PDGFD: variants seen among roughly 807,000 people sequenced by gnomAD.
PDGFD encodes the protein platelet-derived growth factor D.
Under a neutral mutation model 44.7 loss-of-function variants are expected in PDGFD, and 30 were observed. The observed-to-expected ratio is 0.67, with a 90% CI of 0.50 to 0.91. The LOEUF (loss-of-function observed/expected upper bound fraction) is 0.91, where lower values mean the gene tolerates loss of function less well. Ranked by LOEUF, PDGFD falls within the 40% of genes least tolerant of loss-of-function variation. The pLI, the probability that PDGFD is intolerant of heterozygous loss-of-function variation, is 0.00. For missense variants in PDGFD, 445 were observed against 457.8 expected (o/e 0.97, Z 0.25); for synonymous variants, 173 against 168.4 (o/e 1.03, Z -0.21).
At chr11:104,013,652 C>G (rs1859816509) in intron 1 of PDGFD, among the ~76,000 whole-genome samples, 1 of 152,046 alleles carries the variant, frequency 6.6e-6, no homozygotes, top group East Asian at 1.9e-4. Context: ...GAACTGCAAA[C>G]TGATGAACAG....
Position 103,978,672 on chromosome 11 carries a change from C to T in PDGFD, c.510+17393G>A, listed in dbSNP as rs79602723. On this transcript the variant is annotated intron_variant, in intron 3 of 6. Transcript: ENST00000393158. Reference sequence around the variant, plus strand: ...AATCCTATGGCATGCTTGTAACATACAAAGTGTTTTAGAAATGTTTGTAGA... The same window carrying T: ...AATCCTATGGCATGCTTGTAACATATAAAGTGTTTTAGAAATGTTTGTAGA... Among the ~76,000 whole-genome samples, 750 of 152,034 alleles carry T rather than the reference C, an allele frequency of 4.9e-3. 56 individuals carry two copies. The East Asian group carries it at 0.12, about 23-fold the overall frequency.
chr11:103,973,249 C>T (rs1361330891), intron 3 of PDGFD, among the ~76,000 whole-genome samples: 1 of 151,592 alleles, frequency 6.6e-6, no homozygotes, highest in Non-Finnish European at 1.5e-5. Flanking sequence ...CAACATTTTC[C>T]TGCCTCAGCC....
At chr11:104,026,119 C>G (rs994712110) in intron 1 of PDGFD, among the ~76,000 whole-genome samples, 1 of 152,182 alleles carries the variant, frequency 6.6e-6, no homozygotes, top group Non-Finnish European at 1.5e-5. Flanking sequence ...CTGACCTCCA[C>G]CTGATGAATA....
chr11:104,000,338 T>C, intron 1 of PDGFD, 83 bp from the exon 2 acceptor site: 1 of 1,176,490 alleles, frequency 8.5e-7, no homozygotes, highest in East Asian at 2.3e-5. Flanking sequence ...TTACAACACA[T>C]CATACTTCAA....
At chr11:104,083,607 C>A (rs1215899259) in intron 1 of PDGFD, among the ~76,000 whole-genome samples, 2 of 152,092 alleles carry the variant, frequency 1.3e-5, no homozygotes, top group Non-Finnish European at 2.9e-5. Flanking sequence ...CAAAAAAATT[C>A]TATTGTCCCA....
intron 5 of PDGFD, among the ~76,000 whole-genome samples, chr11:103,938,015 C>T (rs1279509515): frequency 2.0e-5 from 3 of 150,674 alleles, no homozygotes; most frequent in Admixed American, 6.6e-5. Context: ...TATAAACATA[C>T]ATGTGCTTGT....
rs866018607 is a variant in PDGFD at position 104,140,009 on chromosome 11, G to A, written c.124+23795C>T. Among the ~76,000 whole-genome samples, 9 of 103,654 alleles carry A rather than the reference G, an allele frequency of 8.7e-5. 3 individuals carry two copies. The South Asian group carries it at 2.0e-3, about 23-fold the overall frequency. 68.0% of individuals were successfully genotyped at this position (103,654 alleles called of 152,430 possible). A position where few individuals can be genotyped will look rare whatever the true frequency, so the allele number is the denominator to read the frequency against. On this transcript the variant is annotated intron_variant, in intron 1 of 6. Transcript: ENST00000393158. The stretch of plus-strand genomic sequence containing the variant: ...CAGGAAGTGGAGCTTGCAGTGAGCC[G>A]AGATTGCGCCACTGCAGTCCGCAGT...
At chr11:104,129,687 G>C (rs144462851) in intron 1 of PDGFD, among the ~76,000 whole-genome samples, 408 of 152,266 alleles carry the variant, frequency 2.7e-3, no homozygotes, top group Non-Finnish European at 4.2e-3. Flanking sequence ...TTTGGAGGTA[G>C]AGCGTGAAAC....
At chr11:103,976,254 AG>A (rs1268647535) in intron 3 of PDGFD, among the ~76,000 whole-genome samples, 9 of 152,034 alleles carry the variant, frequency 5.9e-5, no homozygotes, top group Non-Finnish European at 1.2e-4. Flanking sequence ...TATTGTCAAT[AG>A]TAAGTTGTAT....
At chr11:104,064,495 G>T (rs140037641) in intron 1 of PDGFD, among the ~76,000 whole-genome samples, 1 of 152,252 alleles carries the variant, frequency 6.6e-6, no homozygotes, top group African/African-American at 2.4e-5. Context: ...TTCAAAAGGT[G>T]AACTCAGTAC....
intron 1 of PDGFD, among the ~76,000 whole-genome samples, chr11:104,045,130 T>C (rs552630410): frequency 6.6e-6 from 1 of 152,262 alleles, no homozygotes; most frequent in East Asian, 1.9e-4. Context: ...GTCACCATAC[T>C]AGTGTTAGAA....
chr11:103,930,463 T>A (rs757922331), intron 5 of PDGFD, among the ~76,000 whole-genome samples: 1 of 151,776 alleles, frequency 6.6e-6, no homozygotes, highest in Non-Finnish European at 1.5e-5. Flanking sequence ...TCATCATGAG[T>A]GCATGAAATA....
chr11:103,914,247 G>A (rs761358414), intron 6 of PDGFD, among the ~76,000 whole-genome samples: 25 of 152,146 alleles, frequency 1.6e-4, no homozygotes, highest in Non-Finnish European at 3.5e-4. Context: ...ACCTTCTAGG[G>A]CAGGCACAGA....
At chr11:104,082,849 C>A (rs2134430377) in intron 1 of PDGFD, among the ~76,000 whole-genome samples, 1 of 152,178 alleles carries the variant, frequency 6.6e-6, no homozygotes, top group African/African-American at 2.4e-5. Context: ...CAACTCCTGT[C>A]TTAAAGTGAT....
chr11:103,928,780 G>A (rs958439427), intron 5 of PDGFD, among the ~76,000 whole-genome samples: 2 of 152,134 alleles, frequency 1.3e-5, no homozygotes. Context: ...TCTGTCTTGG[G>A]AAAGGAACCA....
chr11:104,122,004 G>C (rs1311687652), intron 1 of PDGFD, among the ~76,000 whole-genome samples: 1 of 151,980 alleles, frequency 6.6e-6, no homozygotes, highest in African/African-American at 2.4e-5. Flanking sequence ...TTTTTATACT[G>C]GTCTTATTGA....
At chr11:104,027,388 T>C (rs537486365) in intron 1 of PDGFD, among the ~76,000 whole-genome samples, 4 of 152,370 alleles carry the variant, frequency 2.6e-5, no homozygotes, top group Admixed American at 6.5e-5. Context: ...TTATTAATTA[T>C]TGTTTTCACT....
At chr11:104,162,482 T>C (rs895495682) in intron 1 of PDGFD, among the ~76,000 whole-genome samples, 5 of 152,078 alleles carry the variant, frequency 3.3e-5, no homozygotes, top group African/African-American at 1.2e-4. Flanking sequence ...ATAAATAAAT[T>C]ACGTGCTTTT....
chr11:104,091,231 T>C (rs1565332181), intron 1 of PDGFD, among the ~76,000 whole-genome samples: 1 of 152,222 alleles, frequency 6.6e-6, no homozygotes, highest in Non-Finnish European at 1.5e-5. Context: ...TATTTAAACA[T>C]TAAAATCATG....
Sources: gnomAD v4.1 joint callset for allele counts (sites outside exome capture counted in the v4.1 genomes callset) on GRCh38, gnomAD v4.1.1 for gene constraint, MANE v1.5 for transcripts, NCBI Gene and HGNC (gene_info 2026-07-23, HGNC 2026-07-21) for gene names.